Variants in LIPK observed in about 807,000 individuals in gnomAD.
The protein encoded by LIPK is lipase member K.
A neutral mutation model predicts 48.6 loss-of-function variants in LIPK; 32 were observed. The observed-to-expected ratio is 0.66, with a 90% CI of 0.50 to 0.88. The LOEUF is 0.88. LIPK is among the 40% of genes least tolerant of loss of function. The pLI is 0.00. For missense variants in LIPK, 507 were observed against 478.5 expected, an observed-to-expected ratio of 1.06 and a Z score of -0.56; for synonymous variants, 164 against 157.4, an observed-to-expected ratio of 1.04 and a Z score of -0.32.
intron 1 of LIPK, among the ~76,000 whole-genome samples, chr10:88,707,649 A>G (rs1467044631): frequency 6.6e-6 from 1 of 152,092 alleles, no homozygotes; most frequent in Non-Finnish European, 1.5e-5. Context: ...CTCTTAACCT[A>G]TTTGAAAATT....
intron 6 of LIPK, among the ~76,000 whole-genome samples, chr10:88,733,249 T>A (rs543129774): frequency 6.6e-6 from 1 of 152,316 alleles, no homozygotes; most frequent in South Asian, 2.1e-4. Context: ...GGCCTCCTAA[T>A]CTCCTCTAGT....
chr10:88,706,538 T>C (rs1200682004), intron 1 of LIPK, among the ~76,000 whole-genome samples: 3 of 152,152 alleles, frequency 2.0e-5, no homozygotes, highest in Non-Finnish European at 4.4e-5. Flanking sequence ...AGCTGCAGCA[T>C]CTAGAAAGCA....
intron 9 of LIPK, among the ~76,000 whole-genome samples, chr10:88,745,576 T>G (rs994234647): frequency 4.6e-5 from 7 of 151,906 alleles, no homozygotes; most frequent in African/African-American, 1.7e-4. Flanking sequence ...TCAGACAAAA[T>G]TGCTAAGGGA....
At chr10:88,723,941 C>T (rs1842283396) in intron 1 of LIPK, among the ~76,000 whole-genome samples, 1 of 151,876 alleles carries the variant, frequency 6.6e-6, no homozygotes, top group South Asian at 2.1e-4. Flanking sequence ...TAATTTAGGT[C>T]AACAGTCTCT....
At chr10:88,708,185 TAAG>T (rs545679677) in intron 1 of LIPK, among the ~76,000 whole-genome samples, 50 of 152,274 alleles carry the variant, frequency 3.3e-4, no homozygotes, top group African/African-American at 1.1e-3. Context: ...ACTTTGCCCC[TAAG>T]AAGACATCTA....
intron 9 of LIPK, 53 bp from the exon 10 acceptor site, chr10:88,752,464 C>A: frequency 7.5e-7 from 1 of 1,326,614 alleles, no homozygotes. Context: ...AATGTTACTT[C>A]TATAATGTAA....
chr10:88,728,200 A>C (rs1289872595), intron 3 of LIPK: 1 of 201,230 alleles, frequency 5.0e-6, no homozygotes, highest in Non-Finnish European at 1.0e-5. Flanking sequence ...CGTGAGCTGC[A>C]GTCCCAGATC....
Position 88,752,641 on chromosome 10 carries a change from T to C in LIPK, c.1085T>C (p.Ile362Thr). The change falls in exon 10 of 10, where the codon ATT becomes ACT. Residue 362 changes from isoleucine (I) to threonine (T), a missense_variant. By Grantham distance (89) the Ile-to-Thr change is moderately conservative (BLOSUM62 -1). Transcript: ENST00000404190. The part of the protein sequence containing the change: ...ENLLPQIANL[I>T]YYKLIPHYNH... ...TTACTTCCTCAAATTGCTAACCTTA[T>C]TTATTACAAGCTGATTCCACACTAC... 1 of 1,573,350 alleles carries C rather than the reference T, an allele frequency of 6.4e-7. No homozygotes were observed. Among genetic ancestry groups the C allele is most frequent in the Non-Finnish European group, 8.6e-7 (1 of 1,157,196 alleles).
intron 9 of LIPK, among the ~76,000 whole-genome samples, chr10:88,750,353 C>T (rs1842843470): frequency 1.3e-5 from 2 of 151,950 alleles, no homozygotes; most frequent in South Asian, 4.1e-4. Flanking sequence ...CACATGTACC[C>T]GTATGTTCAT....
At position 88,720,977 on chromosome 10, in the gene LIPK, G is replaced by A. The variant is rs892094009; in HGVS notation, c.-11-3556G>A. On this transcript the variant is annotated intron_variant, in intron 1 of 9. Coordinates refer to ENST00000404190, the MANE Select transcript of LIPK (RefSeq NM_001080518.2). Reference sequence around the variant, plus strand: ...TTAATCTGAGTACTTGCAACCAAGGGTCACATCTTTAAAAACTGAGAATCC... The same window carrying A: ...TTAATCTGAGTACTTGCAACCAAGGATCACATCTTTAAAAACTGAGAATCC... 2.0e-5 allele frequency among the ~76,000 whole-genome samples: 3 copies of A among 151,638 alleles called. No individual in the cohort carries two copies. In the East Asian group the frequency reaches 5.8e-4, roughly 29 times the overall value.
intron 7 of LIPK, 70 bp downstream of exon 7, chr10:88,737,851 A>T (rs1037851686): frequency 6.6e-7 from 1 of 1,510,628 alleles, no homozygotes; most frequent in Non-Finnish European, 9.1e-7. Context: ...GTTATCCTGG[A>T]TTGTATGGCA....
chr10:88,731,070 T>C lies in LIPK; in HGVS notation c.311T>C (p.Phe104Ser), dbSNP rs369386762. The change falls in exon 4 of 10, where the codon TTC becomes TCC. Residue 104 changes from phenylalanine (F) to serine (S), a missense_variant. Coordinates refer to ENST00000404190, the MANE Select transcript of LIPK (RefSeq NM_001080518.2). ...ICNLPNNSLA[F>S]LLADSGYDVW... ...AACCTGCCCAACAACAGTTTGGCTT[T>C]CCTTCTGGCAGATAGTGGTTATGAC... 2 of 1,604,850 alleles carry C rather than the reference T, an allele frequency of 1.2e-6. No individual in the cohort carries two copies. The highest frequency in any genetic ancestry group is 2.7e-5 in the African/African-American group (2 of 74,852).
chr10:88,739,643 C>T (rs1842641714), intron 7 of LIPK, among the ~76,000 whole-genome samples: 2 of 151,992 alleles, frequency 1.3e-5, no homozygotes. Flanking sequence ...ATCACGAGGT[C>T]AGGAGAGCGA....
intron 8 of LIPK, among the ~76,000 whole-genome samples, chr10:88,741,983 A>T (rs963802390): frequency 3.9e-5 from 6 of 152,204 alleles, no homozygotes; most frequent in African/African-American, 1.2e-4. Context: ...CATGGCTAGG[A>T]GGCCTCAAGA....
chr10:88,728,837 T>G (rs1401320602), intron 3 of LIPK: 1 of 173,236 alleles, frequency 5.8e-6, no homozygotes, highest in Non-Finnish European at 1.3e-5. Context: ...CACCAGCTCC[T>G]GCAGGGCCAT....
At chr10:88,710,062 G>C (rs1272586840) in intron 1 of LIPK, among the ~76,000 whole-genome samples, 1 of 151,754 alleles carries the variant, frequency 6.6e-6, no homozygotes, top group Admixed American at 6.6e-5. Flanking sequence ...TTAACATAAT[G>C]TTATAAGTAT....
intron 9 of LIPK, among the ~76,000 whole-genome samples, chr10:88,745,041 A>T (rs2134783365): frequency 6.6e-6 from 1 of 152,374 alleles, no homozygotes; most frequent in Non-Finnish European, 1.5e-5. Flanking sequence ...CAGAGATTGA[A>T]GACTGGTTAT....
intron 1 of LIPK, among the ~76,000 whole-genome samples, chr10:88,722,342 C>T (rs1842242996): frequency 6.6e-6 from 1 of 152,178 alleles, no homozygotes; most frequent in African/African-American, 2.4e-5. Context: ...CTTCATCCAT[C>T]CATTTTATTG....
At chr10:88,724,133 A>G (rs77813509) in intron 1 of LIPK, among the ~76,000 whole-genome samples, 1 of 152,210 alleles carries the variant, frequency 6.6e-6, no homozygotes, top group African/African-American at 2.4e-5. Context: ...GGTTTTGCCA[A>G]TGATTAACTC....
Sources: gnomAD v4.1 joint callset for allele counts (sites outside exome capture counted in the v4.1 genomes callset) on GRCh38, gnomAD v4.1.1 for gene constraint, MANE v1.5 for transcripts, NCBI Gene and HGNC (gene_info 2026-07-23, HGNC 2026-07-21) for gene names.